Variants in ATAD2 observed in about 807,000 individuals in gnomAD.
ATAD2 encodes the protein ATPase family AAA domain-containing protein 2.
In ATAD2, 62 loss-of-function variants were observed where a neutral mutation model predicts 168.9. The ratio of observed to expected loss-of-function variants is 0.37; its 90% CI spans 0.30 to 0.45. ATAD2 has a LOEUF of 0.45. Ranked by LOEUF, ATAD2 falls within the 20% of genes least tolerant of loss-of-function variation. ATAD2 has a pLI of 1.00. For missense variants in ATAD2, 1,419 were observed against 1,667.8 expected (o/e 0.85, Z 2.60); for synonymous variants, 613 against 571.6 (o/e 1.07, Z -1.03).
chr8:123,347,961 T>C lies in ATAD2; in HGVS notation c.1897+222A>G. 5.2e-6 allele frequency: 3 copies of C among 571,828 alleles called. No individual in the cohort carries two copies. The South Asian group carries it at 5.5e-5, about 11-fold the overall frequency. The allele number at this position is 571,828 out of a possible 1,614,324, so 35.4% of individuals were successfully genotyped here. On this transcript the variant is annotated intron_variant, in intron 15 of 27. Coordinates refer to ENST00000287394, the MANE Select transcript of ATAD2 (RefSeq NM_014109.4). ...TGATGGCCAATTTGTCAAATATCTC[T>C]ATTTAATACCAAGACTTCATGAGAA... is the stretch of plus-strand genomic sequence containing the variant.
Position 123,396,322 on chromosome 8 carries a change from G to C in ATAD2, c.36C>G (p.Asn12Lys). 1.7e-5 allele frequency: 27 copies of C among 1,607,204 alleles called. No homozygotes were observed. The highest frequency in any genetic ancestry group is 2.1e-5 in the Non-Finnish European group (25 of 1,177,912). The change falls in exon 1 of 28, where the codon AAC (asparagine) becomes AAG (lysine). Residue 12 changes from asparagine (N) to lysine (K), a missense_variant. This residue lies in a region of ATAD2 where 419 missense variants were observed against 423.5 expected (regional missense o/e 0.99). Transcript: ENST00000287394. ...AGCCCGTGGCCGAGGCCGCGGAGTG[G>C]TTGTGCAGCTCCAAGCTGCTGCGGA... ...VVLRSSLELH[N>K]HSAASATGSL...
intron 24 of ATAD2, among the ~76,000 whole-genome samples, chr8:123,333,590 G>C (rs1827837666): frequency 6.6e-6 from 1 of 152,140 alleles, no homozygotes; most frequent in African/African-American, 2.4e-5. Context: ...GCTTTGAATA[G>C]GTAACGTGGA....
chr8:123,404,555 C>A (rs2130027834), intron 1 of ATAD2, among the ~76,000 whole-genome samples: 1 of 151,036 alleles, frequency 6.6e-6, no homozygotes, highest in South Asian at 2.1e-4. Context: ...TCTCTCCCCA[C>A]TTTCTCTCTC....
rs116082756 is a variant in ATAD2 at position 123,329,244 on chromosome 8, T to A, written c.3479-665A>T. On this transcript the variant is annotated intron_variant, in intron 24 of 27. Transcript: ENST00000287394. ...AAGACTTGAAATAGGCTACACTTATTGAGCATTTATCATGTACTAGAAACT... is the reference window on the plus strand; with the variant it reads ...AAGACTTGAAATAGGCTACACTTATAGAGCATTTATCATGTACTAGAAACT... 1.9e-3 allele frequency among the ~76,000 whole-genome samples: 291 copies of A among 152,236 alleles called. 3 individuals carry two copies. Among genetic ancestry groups the A allele is most frequent in the African/African-American group, 6.7e-3 (278 of 41,540 alleles).
chr8:123,401,208 C>A, upstream of ATAD2: 1 of 914,040 alleles, frequency 1.1e-6, no homozygotes. Context: ...AGCTGCCTAT[C>A]GTCAATGACG....
Position 123,396,380 on chromosome 8 carries a change from C to G in ATAD2, c.-23G>C. 3 of 1,542,520 alleles carry G rather than the reference C, an allele frequency of 1.9e-6. No individual in the cohort carries two copies. The highest frequency in any genetic ancestry group is 2.0e-4 in the Middle Eastern group (1 of 5,056). On this transcript the variant is annotated 5_prime_UTR_variant, in exon 1 of 28. Transcript: ENST00000287394. ...CATCTTCTCTCCCTACTGGCCTCGG[C>G]GTGCGCGACCGGAGAGAGATCCAGC...
At chr8:123,337,010 G>A (rs911591798) in intron 21 of ATAD2, among the ~76,000 whole-genome samples, 4 of 142,944 alleles carry the variant, frequency 2.8e-5, no homozygotes, top group African/African-American at 1.1e-4. Flanking sequence ...TTGTGTCACT[G>A]CACTCCAGCC....
chr8:123,397,242 A>T (rs867924544), upstream of ATAD2, among the ~76,000 whole-genome samples: 4 of 122,024 alleles, frequency 3.3e-5, no homozygotes, highest in South Asian at 2.6e-4. Flanking sequence ...CTCTGTCTCA[A>T]AAAAAAAAAA....
chr8:123,341,648 C>G (rs1828065478), intron 19 of ATAD2, among the ~76,000 whole-genome samples: 1 of 152,198 alleles, frequency 6.6e-6, no homozygotes, highest in Non-Finnish European at 1.5e-5. Flanking sequence ...AATCTGTATT[C>G]TTGTTCTTTG....
At chr8:123,389,473 T>C (rs1047431978) in intron 1 of ATAD2, among the ~76,000 whole-genome samples, 8 of 150,644 alleles carry the variant, frequency 5.3e-5, no homozygotes, top group Non-Finnish European at 1.2e-4. Flanking sequence ...ACCCAGTCTC[T>C]ACTAAAAATA....
intron 25 of ATAD2, among the ~76,000 whole-genome samples, chr8:123,327,500 G>T (rs1435015360): frequency 1.3e-5 from 2 of 151,002 alleles, no homozygotes; most frequent in Non-Finnish European, 2.9e-5. Context: ...TGCATTCAGT[G>T]TATCAGCCAC....
chr8:123,396,439 C>A lies in ATAD2; in HGVS notation c.-82G>T, dbSNP rs759830515. The stretch of plus-strand genomic sequence containing the variant: ...CTCGCAGCTCTGGCTCTTCCGCGCT[C>A]CGAATTCTGGCGCCACAAGCTCCGC... On this transcript the variant is annotated 5_prime_UTR_variant, in exon 1 of 28. Transcript: ENST00000287394. 2 of 1,376,864 alleles carry A rather than the reference C, an allele frequency of 1.5e-6. No homozygotes were observed. Among genetic ancestry groups the A allele is most frequent in the Non-Finnish European group, 1.9e-6 (2 of 1,053,868 alleles). 85.3% of individuals were successfully genotyped at this position (1,376,864 alleles called of 1,614,324 possible).
At chr8:123,349,146 C>A (rs1828364017) in intron 14 of ATAD2, 139 bp downstream of exon 14, 5 of 740,794 alleles carry the variant, frequency 6.7e-6, no homozygotes, top group Non-Finnish European at 1.0e-5. Context: ...AAAAATTTGT[C>A]CCCATTTGAG....
At chr8:123,380,886 T>A in intron 1 of ATAD2, 1 of 534,506 alleles carries the variant, frequency 1.9e-6, no homozygotes. Context: ...GCAGCTAATA[T>A]AAGATTTACT....
Position 123,402,071 on chromosome 8 carries a change from G to T in ATAD2, c.-2281-896C>A. On this transcript the variant is annotated intron_variant, in intron 1 of 28. Transcript: ENST00000521903. This position sits in a 1 kb window ranked among gnomAD's most constrained non-coding sequence, Gnocchi z 4.8. ...CATGTCGGCCCAGATTGAGGGTGGC[G>T]TCCATGGCCTGCACTCTTAGGAGAA... The T allele has an allele frequency of 7.0e-7, 1 of 1,430,780 alleles. No individual in the cohort carries two copies. 88.6% of individuals were successfully genotyped at this position (1,430,780 alleles called of 1,614,324 possible).
chr8:123,339,785 T>C (rs1178132038), intron 19 of ATAD2, among the ~76,000 whole-genome samples: 2 of 152,222 alleles, frequency 1.3e-5, no homozygotes, highest in East Asian at 1.9e-4. Context: ...GTTAGATTTA[T>C]GTATAAACCA....
At chr8:123,396,613 T>C, upstream of ATAD2, 2 of 499,504 alleles carry the variant, frequency 4.0e-6, no homozygotes, top group Non-Finnish European at 7.0e-6. Context: ...GCCGACAGTA[T>C]AGAGGACCTG....
chr8:123,340,967 G>A (rs1265253169), intron 19 of ATAD2, among the ~76,000 whole-genome samples: 1 of 150,776 alleles, frequency 6.6e-6, no homozygotes, highest in Non-Finnish European at 1.5e-5. Flanking sequence ...TTTTGAGACA[G>A]GGTCTCACTC....
At position 123,396,390 on chromosome 8, in the gene ATAD2, C is replaced by A. The variant is rs765104138; in HGVS notation, c.-33G>T. 3.3e-6 allele frequency: 5 copies of A among 1,530,046 alleles called. No individual in the cohort carries two copies. Among genetic ancestry groups the A allele is most frequent in the East Asian group, 2.4e-5 (1 of 41,786 alleles). 94.8% of individuals were successfully genotyped at this position (1,530,046 alleles called of 1,614,324 possible). On this transcript the variant is annotated 5_prime_UTR_variant, in exon 1 of 28. Coordinates refer to ENST00000287394, the MANE Select transcript of ATAD2 (RefSeq NM_014109.4). ...CCCTACTGGCCTCGGCGTGCGCGAC[C>A]GGAGAGAGATCCAGCTCCAGGCGCT...
Sources: gnomAD v4.1 joint callset for allele counts (sites outside exome capture counted in the v4.1 genomes callset) on GRCh38, gnomAD v4.1.1 for gene constraint, gnomAD v4.1.1 regional missense constraint, Gnocchi (gnomAD v3.1) non-coding constraint, MANE v1.5 for transcripts, NCBI Gene and HGNC (gene_info 2026-07-23, HGNC 2026-07-21) for gene names.